Variants in RANBP17 observed in about 807,000 individuals in gnomAD.
RANBP17 encodes RAN binding protein 17, also known as ran-binding protein 17.
In RANBP17, 158 loss-of-function variants were observed where a neutral mutation model predicts 141.2. The ratio of observed to expected loss-of-function variants is 1.12; its 90% CI spans 0.98 to 1.28. The LOEUF (loss-of-function observed/expected upper bound fraction) is 1.28, where lower values mean the gene tolerates loss of function less well. Among genes scored for constraint, RANBP17 ranks in the 50% most tolerant of loss-of-function variants. RANBP17 has a pLI of 0.00. For missense variants in RANBP17, 1,438 were observed against 1,290.7 expected, an observed-to-expected ratio of 1.11 and a Z score of -1.75; for synonymous variants, 430 against 450.0, an observed-to-expected ratio of 0.96 and a Z score of 0.56.
intron 24 of RANBP17, among the ~76,000 whole-genome samples, chr5:171,251,626 A>G (rs1035406197): frequency 6.6e-6 from 1 of 152,030 alleles, no homozygotes; most frequent in Non-Finnish European, 1.5e-5. Flanking sequence ...AAGCAGTGCT[A>G]AGAAGGAAGT....
chr5:170,904,549 T>C (rs1436028539), intron 5 of RANBP17: 2 of 152,394 alleles, frequency 1.3e-5, no homozygotes, highest in African/African-American at 4.8e-5. Flanking sequence ...TCAGAAAGTC[T>C]AGTTTGTTTT....
intron 14 of RANBP17, among the ~76,000 whole-genome samples, chr5:171,108,968 C>T (rs995578298): frequency 5.9e-5 from 9 of 151,980 alleles, no homozygotes; most frequent in Middle Eastern, 3.2e-3. Flanking sequence ...TTGAGGAGCC[C>T]CTATCCCAAA....
chr5:171,210,655 G>A (rs1387619869), intron 20 of RANBP17, among the ~76,000 whole-genome samples: 3 of 152,090 alleles, frequency 2.0e-5, no homozygotes, highest in Non-Finnish European at 4.4e-5. Context: ...TGTACTCAAA[G>A]CATCCCTATT....
At chr5:171,063,578 G>T (rs1367011828) in intron 14 of RANBP17, among the ~76,000 whole-genome samples, 4 of 152,196 alleles carry the variant, frequency 2.6e-5, no homozygotes, top group Non-Finnish European at 4.4e-5. Flanking sequence ...CTACTAGGGG[G>T]TGCCTCCCAG....
At chr5:171,040,489 A>G (rs1227485080) in intron 14 of RANBP17, among the ~76,000 whole-genome samples, 1 of 152,182 alleles carries the variant, frequency 6.6e-6, no homozygotes, top group Admixed American at 6.6e-5. Context: ...AATGTAGTAT[A>G]TGAGTCTGCT....
intron 5 of RANBP17, among the ~76,000 whole-genome samples, chr5:170,906,767 C>T (rs771322478): frequency 6.6e-6 from 1 of 151,696 alleles, no homozygotes; most frequent in East Asian, 1.9e-4. Flanking sequence ...CCAATAGGAC[C>T]TTTTTCAAGC....
rs376915790 is a variant in RANBP17, at chr5:171,203,421, T to C, written c.2143-2103T>C. 2.0e-5 allele frequency among the ~76,000 whole-genome samples: 3 copies of C among 152,314 alleles called. No homozygotes were observed. The East Asian group carries it at 5.8e-4, about 29-fold the overall frequency. On this transcript the variant is annotated intron_variant, in intron 19 of 27. Coordinates refer to ENST00000523189, the MANE Select transcript of RANBP17 (RefSeq NM_022897.5). ...ATCCATGTAGATTATTGCAGTATTA[T>C]CTGCTGCTTTGAGATAAAAGATATT...
intron 14 of RANBP17, among the ~76,000 whole-genome samples, chr5:171,059,973 A>G (rs1345829314): frequency 2.6e-3 from 90 of 34,908 alleles, no homozygotes; most frequent in African/African-American, 8.3e-3. Flanking sequence ...TTTGTCTGTT[A>G]TTGGTGTATA....
chr5:170,907,407 G>A (rs368805920), intron 5 of RANBP17, among the ~76,000 whole-genome samples: 20 of 151,812 alleles, frequency 1.3e-4, no homozygotes, highest in African/African-American at 4.6e-4. Flanking sequence ...TTGTATTTTC[G>A]CTCTATTTTT....
chr5:170,884,689 C>A (rs1379748355), intron 3 of RANBP17, among the ~76,000 whole-genome samples: 11 of 151,956 alleles, frequency 7.2e-5, no homozygotes, highest in Non-Finnish European at 1.5e-4. Flanking sequence ...TTTTTCATTT[C>A]TTTAAAAATG....
At chr5:171,068,232 A>T (rs1325698266) in intron 14 of RANBP17, among the ~76,000 whole-genome samples, 1 of 151,374 alleles carries the variant, frequency 6.6e-6, no homozygotes, top group African/African-American at 2.4e-5. Flanking sequence ...GTGCTTTTCA[A>T]CTCCAGAATT....
intron 14 of RANBP17, among the ~76,000 whole-genome samples, chr5:171,048,414 A>G (rs933853963): frequency 3.3e-5 from 5 of 152,010 alleles, no homozygotes; most frequent in African/African-American, 9.7e-5. Flanking sequence ...CTGTCTTTCA[A>G]CTGCTGTGTT....
intron 2 of RANBP17, among the ~76,000 whole-genome samples, chr5:170,879,377 A>G (rs1367287928): frequency 6.6e-6 from 1 of 152,148 alleles, no homozygotes; most frequent in East Asian, 1.9e-4. Flanking sequence ...GGATTTTATA[A>G]TATGGAAATT....
rs1318562926 is a variant in RANBP17 at position 170,878,223 on chromosome 5, C to T, written c.145C>T (p.Leu49Phe). 1 of 1,609,120 alleles carries T rather than the reference C, an allele frequency of 6.2e-7. No homozygotes were observed. The highest frequency in any genetic ancestry group is 8.5e-7 in the Non-Finnish European group (1 of 1,178,152). ...TCCAGAATGTCTCAGCAAGTGTCAA[C>T]TTTTATTAGAACAAGGAACAGTAAG... ...DSPECLSKCQ[L>F]LLEQGTTSYA... The change falls in exon 2 of 28, where the codon CTT becomes TTT. Residue 49 changes from leucine (L) to phenylalanine (F), a missense_variant. Transcript: ENST00000523189.
At chr5:171,176,916 C>A (rs1760522446) in intron 16 of RANBP17, among the ~76,000 whole-genome samples, 1 of 152,006 alleles carries the variant, frequency 6.6e-6, no homozygotes. Context: ...AAGCAAAGGG[C>A]AAGAATGAAA....
At chr5:171,141,981 G>A (rs1757736617) in intron 14 of RANBP17, among the ~76,000 whole-genome samples, 1 of 152,078 alleles carries the variant, frequency 6.6e-6, no homozygotes, top group African/African-American at 2.4e-5. Flanking sequence ...TAATTTGCAT[G>A]CCTTCAAAGT....
intron 12 of RANBP17, among the ~76,000 whole-genome samples, chr5:170,935,143 T>C (rs1773754373): frequency 6.6e-6 from 1 of 152,240 alleles, no homozygotes; most frequent in African/African-American, 2.4e-5. Context: ...TGCCATGGTT[T>C]TCAGCTCCAT....
intron 14 of RANBP17, among the ~76,000 whole-genome samples, chr5:171,098,369 G>C (rs1392433626): frequency 6.6e-6 from 1 of 152,108 alleles, no homozygotes; most frequent in East Asian, 1.9e-4. Context: ...GTTTTGATTT[G>C]AATTTCTCTA....
chr5:170,959,389 C>T (rs1292721241), intron 13 of RANBP17, among the ~76,000 whole-genome samples: 1 of 152,210 alleles, frequency 6.6e-6, no homozygotes, highest in Admixed American at 6.5e-5. Flanking sequence ...TCCTGTGCTA[C>T]TTCTGACCTC....
Sources: gnomAD v4.1 joint callset for allele counts (sites outside exome capture counted in the v4.1 genomes callset) on GRCh38, gnomAD v4.1.1 for gene constraint, MANE v1.5 for transcripts, NCBI Gene and HGNC (gene_info 2026-07-23, HGNC 2026-07-21) for gene names.